The following IDE variants were observed in gnomAD, a reference collection of about 807,000 sequenced individuals.
IDE encodes insulin-degrading enzyme.
In IDE, 58 loss-of-function variants were observed where a neutral mutation model predicts 133.2. The observed-to-expected ratio is 0.44, with a 90% CI of 0.35 to 0.54. The LOEUF (loss-of-function observed/expected upper bound fraction) is 0.54, where lower values mean the gene tolerates loss of function less well. IDE is among the 20% of genes least tolerant of loss of function. The pLI, the probability that IDE is intolerant of heterozygous loss-of-function variation, is 0.00. For synonymous variants in IDE, 396 were observed against 421.3 expected, an observed-to-expected ratio of 0.94 and a Z score of 0.73; for missense variants, 981 against 1,234.0, an observed-to-expected ratio of 0.79 and a Z score of 3.07.
rs146892069 is a variant in IDE, at chr10:92,525,359, G to A, written c.661+6389C>T. Among the ~76,000 whole-genome samples the A allele has an allele frequency of 4.2e-4, 64 of 152,276 alleles. No individual in the cohort carries two copies. The East Asian group carries it at 0.011, about 25-fold the overall frequency. ...AATTCAACATCACTTCATGATAAAC[G>A]TTCTCAACACACTGGGTAGAGAAGG... On this transcript the variant is annotated intron_variant, in intron 4 of 24. Coordinates refer to ENST00000265986, the MANE Select transcript of IDE (RefSeq NM_004969.4).
chr10:92,569,742 T>C (rs980324825), intron 1 of IDE, among the ~76,000 whole-genome samples: 1 of 152,186 alleles, frequency 6.6e-6, no homozygotes, highest in African/African-American at 2.4e-5. Flanking sequence ...ATGCAGTAAA[T>C]ATGTACTGAG....
At chr10:92,477,341 C>G (rs1248771983) in intron 15 of IDE, among the ~76,000 whole-genome samples, 1 of 152,012 alleles carries the variant, frequency 6.6e-6, no homozygotes, top group East Asian at 1.9e-4. Context: ...TTTGTAGAGA[C>G]AGGGTCTTGC....
intron 24 of IDE, 134 bp from the exon 25 acceptor site, chr10:92,454,673 C>T (rs1844897454): frequency 6.1e-6 from 4 of 652,794 alleles, no homozygotes; most frequent in Non-Finnish European, 1.1e-5. Context: ...GGCTTGAGGC[C>T]GCTCTACCTA....
intron 13 of IDE, among the ~76,000 whole-genome samples, chr10:92,484,872 T>C (rs1472692309): frequency 6.6e-6 from 1 of 151,828 alleles, no homozygotes; most frequent in East Asian, 1.9e-4. Flanking sequence ...CTGGGCAACA[T>C]AGTGAGATCC....
At chr10:92,521,903 A>C (rs1849245026) in intron 4 of IDE, among the ~76,000 whole-genome samples, 1 of 152,140 alleles carries the variant, frequency 6.6e-6, no homozygotes, top group Non-Finnish European at 1.5e-5. Context: ...ATATATACTG[A>C]AATATTTATG....
At chr10:92,572,739 A>C (rs990959442) in intron 1 of IDE, among the ~76,000 whole-genome samples, 6 of 152,072 alleles carry the variant, frequency 3.9e-5, no homozygotes, top group Non-Finnish European at 8.8e-5. Flanking sequence ...CTTCAACCAG[A>C]CTAATCGGCT....
rs1426321574 is a variant in IDE, at chr10:92,465,580, A to G, written c.2488+96T>C. 2.9e-6 allele frequency: 3 copies of G among 1,026,646 alleles called. No homozygotes were observed. The African/African-American group carries it at 4.8e-5, about 16-fold the overall frequency. 63.6% of individuals were successfully genotyped at this position (1,026,646 alleles called of 1,614,324 possible). A position where few individuals can be genotyped will look rare whatever the true frequency, so the allele number is the denominator to read the frequency against. ...AGTCTCTCTAAGTAGACCATGCCTGATATACAGTGTTAGGTGAAAATGTGG... is the reference window on the plus strand; with the variant it reads ...AGTCTCTCTAAGTAGACCATGCCTGGTATACAGTGTTAGGTGAAAATGTGG... On this transcript the variant is annotated intron_variant, in intron 20 of 24. Transcript: ENST00000265986.
intron 11 of IDE, among the ~76,000 whole-genome samples, chr10:92,496,739 T>C (rs1392151088): frequency 2.0e-5 from 3 of 152,190 alleles, no homozygotes; most frequent in African/African-American, 4.8e-5. Context: ...TGAGCCGAGA[T>C]TGTGCCATTG....
At position 92,512,559 on chromosome 10, in the gene IDE, T is replaced by TAA. The variant is rs11373926; in HGVS notation, c.784+2359_784+2360dup. 1.4e-3 allele frequency among the ~76,000 whole-genome samples: 199 copies of TAA among 140,098 alleles called. 1 individual carries two copies. Among genetic ancestry groups the TAA allele is most frequent in the Middle Eastern group, 7.5e-3 (2 of 266 alleles). The allele number at this position is 140,098 out of a possible 152,430, so 91.9% of individuals were successfully genotyped here. On this transcript the variant is annotated intron_variant, in intron 5 of 24. Coordinates refer to ENST00000265986, the MANE Select transcript of IDE (RefSeq NM_004969.4). The stretch of plus-strand genomic sequence containing the variant: ...GTTTAATCTCAAATACAACATAGAT[T>TAA]AAAAAAAAAAAAAAACACCCAGCTT...
intron 5 of IDE, among the ~76,000 whole-genome samples, chr10:92,511,337 A>G (rs146204563): frequency 0.019 from 2,938 of 152,160 alleles, 46 homozygotes; most frequent in Admixed American, 0.052. Context: ...TCCTGAGCTC[A>G]AGTGATCTGC....
chr10:92,568,329 A>G (rs539361461), intron 1 of IDE, among the ~76,000 whole-genome samples: 4 of 152,362 alleles, frequency 2.6e-5, no homozygotes, highest in Non-Finnish European at 5.9e-5. Context: ...ACTGCCATTC[A>G]GCAGTGAACT....
intron 1 of IDE, among the ~76,000 whole-genome samples, chr10:92,537,914 G>A (rs1322703927): frequency 6.6e-6 from 1 of 152,050 alleles, no homozygotes; most frequent in Non-Finnish European, 1.5e-5. Flanking sequence ...ACCGAGGCTT[G>A]TATGCAGTAG....
rs1362747170 is a variant in IDE at position 92,461,528 on chromosome 10, A to C, written c.2762-276T>G. On this transcript the variant is annotated intron_variant, in intron 21 of 24. Transcript: ENST00000265986. ...AAGCCAACACGTCTGGGTAATTTTT[A>C]TATTTTCAGCAGAGATGGGGTTTCG... Among the ~76,000 whole-genome samples the C allele has an allele frequency of 3.3e-5, 5 of 150,812 alleles. 1 individual carries two copies. Among genetic ancestry groups the C allele is most frequent in the Middle Eastern group, 6.9e-3 (2 of 290 alleles).
chr10:92,457,621 A>G (rs1434217324), intron 22 of IDE, among the ~76,000 whole-genome samples: 3 of 152,172 alleles, frequency 2.0e-5, no homozygotes, highest in African/African-American at 7.2e-5. Flanking sequence ...CTAAAGGGGT[A>G]CAAAATTGTG....
intron 1 of IDE, among the ~76,000 whole-genome samples, chr10:92,546,496 T>C (rs1253206241): frequency 6.6e-6 from 1 of 152,178 alleles, no homozygotes; most frequent in Non-Finnish European, 1.5e-5. Flanking sequence ...TAGTACCACT[T>C]GAATACTGGA....
intron 22 of IDE, 130 bp from the exon 23 acceptor site, chr10:92,456,561 G>T: frequency 2.9e-6 from 2 of 698,566 alleles, no homozygotes; most frequent in Non-Finnish European, 5.1e-6. Context: ...CTTTCTGGCC[G>T]GGTGCAGTGG....
intron 4 of IDE, among the ~76,000 whole-genome samples, chr10:92,518,890 T>C (rs1307797670): frequency 6.6e-6 from 1 of 152,188 alleles, no homozygotes; most frequent in Non-Finnish European, 1.5e-5. Flanking sequence ...TGGTTATCTC[T>C]CAGGAGCAGG....
chr10:92,465,742 G>A lies in IDE; in HGVS notation c.2422C>T (p.Leu808=). 6.2e-7 allele frequency: 1 copy of A among 1,614,012 alleles called. No homozygotes were observed. The highest frequency in any genetic ancestry group is 8.5e-7 in the Non-Finnish European group (1 of 1,179,918). ...DMQSTSENMF[L]ELFCQIISEP... is the part of the protein sequence containing the mutation. The stretch of plus-strand genomic sequence containing the variant: ...GAGATAATCTGACAGAAGAGCTCCA[G>A]AAACATATTCTCTGAGGTGCTTTGC... The change falls in exon 20 of 25, where the codon CTG becomes TTG. Residue 808 remains leucine (L), a synonymous_variant. Coordinates refer to ENST00000265986, the MANE Select transcript of IDE (RefSeq NM_004969.4).
At chr10:92,501,697 G>A (rs541686209) in intron 11 of IDE, among the ~76,000 whole-genome samples, 5 of 148,998 alleles carry the variant, frequency 3.4e-5, no homozygotes, top group Non-Finnish European at 5.9e-5. Context: ...AAAAAAGGCC[G>A]GGAACGGTGA....
Sources: allele counts gnomAD v4.1 joint callset (sites outside exome capture counted in the v4.1 genomes callset), GRCh38; gene constraint gnomAD v4.1.1; transcripts MANE v1.5; gene names NCBI Gene and HGNC (gene_info 2026-07-23, HGNC 2026-07-21).